MRM2: variants seen among roughly 807,000 people sequenced by gnomAD.
MRM2 encodes mitochondrial rRNA methyltransferase 2.
MRM2 carries 15 observed loss-of-function variants against 10.9 expected under a neutral mutation model. That is an observed-to-expected ratio of 1.37 (90% confidence interval 0.92 to 2.11). MRM2 has a LOEUF of 2.11. MRM2 is among the 30% of genes most tolerant of loss of function. The pLI, the probability that MRM2 is intolerant of heterozygous loss-of-function variation, is 0.00. For missense variants in MRM2, 328 were observed against 321.3 expected (o/e 1.02, Z -0.16); for synonymous variants, 139 against 128.7 (o/e 1.08, Z -0.54).
In MRM2 at chr7:2,234,967, AAAAGAGAGAGAGAG is replaced by A. The variant is rs759541166; in HGVS notation, c.*141_*154del. 1.9e-5 allele frequency: 12 copies of A among 625,128 alleles called. No individual in the cohort carries two copies. Among genetic ancestry groups the A allele is most frequent in the Middle Eastern group, 4.3e-4 (1 of 2,338 alleles). 38.7% of individuals were successfully genotyped at this position (625,128 alleles called of 1,614,324 possible). The stretch of plus-strand genomic sequence containing the variant: ...TAGTTTTGTCATCTCTTTTTGGTTA[AAAAGAGAGAGAGAG>A]AAAGAGAGAGAGAGACTCCCCACTT... On this transcript the variant is annotated 3_prime_UTR_variant, in exon 3 of 3. Coordinates refer to ENST00000242257, the MANE Select transcript of MRM2 (RefSeq NM_013393.3).
intron 2 of MRM2, among the ~76,000 whole-genome samples, chr7:2,236,546 TGTAGTC>T (rs944663729): frequency 5.2e-4 from 79 of 152,272 alleles, no homozygotes; most frequent in African/African-American, 1.8e-3. Flanking sequence ...AAAAATTAGC[TGTAGTC>T]TCAGCTACTC....
chr7:2,239,126 G>C, intron 2 of MRM2: 1 of 773,742 alleles, frequency 1.3e-6, no homozygotes, highest in Non-Finnish European at 2.4e-6. Flanking sequence ...AAATGTGAGG[G>C]ATCTATGCAT....
rs1411386801 is a variant in MRM2 at position 2,242,153 on chromosome 7, C to A, written c.8+9G>T. 5.7e-6 allele frequency: 9 copies of A among 1,584,000 alleles called. No homozygotes were observed. Among genetic ancestry groups the A allele is most frequent in the Non-Finnish European group, 7.7e-6 (9 of 1,169,384 alleles). On this transcript the variant is annotated intron_variant, in intron 1 of 2. Coordinates refer to ENST00000242257, the MANE Select transcript of MRM2 (RefSeq NM_013393.3). ...CTGTCTGCACGCGCAGCAGCAGCGCCCAGCTCACCCCGCCATTGGTGTTCC... is the reference window on the plus strand; with the variant it reads ...CTGTCTGCACGCGCAGCAGCAGCGCACAGCTCACCCCGCCATTGGTGTTCC...
In MRM2 at chr7:2,235,003, A is replaced by G. The variant is rs1051850010; in HGVS notation, c.*119T>C. 21 of 727,538 alleles carry G rather than the reference A, an allele frequency of 2.9e-5. No individual in the cohort carries two copies. Among genetic ancestry groups the G allele is most frequent in the Non-Finnish European group, 4.4e-5 (19 of 428,690 alleles). 45.1% of individuals were successfully genotyped at this position (727,538 alleles called of 1,614,324 possible). A position where few individuals can be genotyped will look rare whatever the true frequency, so the allele number is the denominator to read the frequency against. On this transcript the variant is annotated 3_prime_UTR_variant, in exon 3 of 3. Coordinates refer to ENST00000242257, the MANE Select transcript of MRM2 (RefSeq NM_013393.3). ...AGAGAAAGAGAGAGAGAGACTCCCC[A>G]CTTGTCCTGCTCCATCTCCAAAATC...
chr7:2,240,359 G>A, intron 1 of MRM2: 1 of 446,930 alleles, frequency 2.2e-6, no homozygotes. Context: ...TAGTTCCAGG[G>A]CTTTGACAGC....
intron 2 of MRM2, among the ~76,000 whole-genome samples, chr7:2,237,442 C>G (rs1005752675): frequency 6.6e-6 from 1 of 152,124 alleles, no homozygotes; most frequent in African/African-American, 2.4e-5. Context: ...CACGCTCACG[C>G]TCTCTCCTTC....
chr7:2,241,300 C>T (rs751555587), intron 1 of MRM2: 2 of 152,226 alleles, frequency 1.3e-5, no homozygotes, highest in East Asian at 3.9e-4. Context: ...CCTCACCCGG[C>T]CATTTTTGTT....
At position 2,238,995 on chromosome 7, in the gene MRM2, AT is replaced by A. The variant is rs1171514004; in HGVS notation, c.298+422del. The A allele has an allele frequency of 3.1e-3, 189 of 60,714 alleles. 14 individuals carry two copies. The highest frequency in any genetic ancestry group is 8.8e-3 in the Middle Eastern group (2 of 226). 3.8% of individuals were successfully genotyped at this position (60,714 alleles called of 1,614,324 possible). The stretch of plus-strand genomic sequence containing the variant: ...ATAATAATTATATATATATATATAT[AT>A]ATATATATATATATATATATATATA... On this transcript the variant is annotated intron_variant, in intron 2 of 2. Coordinates refer to ENST00000242257, the MANE Select transcript of MRM2 (RefSeq NM_013393.3).
At chr7:2,240,704 C>T (rs1384941388) in intron 1 of MRM2, among the ~76,000 whole-genome samples, 1 of 150,652 alleles carries the variant, frequency 6.6e-6, no homozygotes. Context: ...AGTTCTATGT[C>T]CTCTTTTTCT....
chr7:2,240,904 C>T (rs1252539422), intron 1 of MRM2, among the ~76,000 whole-genome samples: 1 of 152,212 alleles, frequency 6.6e-6, no homozygotes, highest in African/African-American at 2.4e-5. Flanking sequence ...CCATGTTGGC[C>T]AGGCTGGTCT....
In MRM2 at chr7:2,239,086, A is replaced by G. The variant is rs541369364; in HGVS notation, c.298+332T>C. ...TAGCTCCAATAGGCTGCAAATTAGCAAGAAAAGTATGGCACAACATCGCTT... is the reference window on the plus strand; with the variant it reads ...TAGCTCCAATAGGCTGCAAATTAGCGAGAAAAGTATGGCACAACATCGCTT... On this transcript the variant is annotated intron_variant, in intron 2 of 2. Coordinates refer to ENST00000242257, the MANE Select transcript of MRM2 (RefSeq NM_013393.3). The G allele has an allele frequency of 8.6e-5, 64 of 741,794 alleles. No individual in the cohort carries two copies. The South Asian group carries it at 9.0e-4, about 10-fold the overall frequency. The allele number at this position is 741,794 out of a possible 1,614,324, so 46.0% of individuals were successfully genotyped here.
In MRM2 at chr7:2,234,597, C is replaced by A. The variant is rs1794381609; in HGVS notation, c.*525G>T. On this transcript the variant is annotated 3_prime_UTR_variant, in exon 3 of 3. Coordinates refer to ENST00000242257, the MANE Select transcript of MRM2 (RefSeq NM_013393.3). ...CTTGAACTCCTGACTTCAAGCAATC[C>A]CCCAGCCTCAGCCTTCTAAAGCCCT... The A allele has an allele frequency of 6.4e-6, 1 of 155,668 alleles. No homozygotes were observed. Among genetic ancestry groups the A allele is most frequent in the African/African-American group, 2.4e-5 (1 of 41,402 alleles). 9.6% of individuals were successfully genotyped at this position (155,668 alleles called of 1,614,324 possible). A position where few individuals can be genotyped will look rare whatever the true frequency, so the allele number is the denominator to read the frequency against.
chr7:2,234,547 G>A lies in MRM2; in HGVS notation c.*575C>T, dbSNP rs1794379859. On this transcript the variant is annotated 3_prime_UTR_variant, in exon 3 of 3. Coordinates refer to ENST00000242257, the MANE Select transcript of MRM2 (RefSeq NM_013393.3). ...TTTTTCATTTTTGTAGACATGGGGG[G>A]TGTTGCTATGTTGCCCAGGTTGGTC... is the stretch of plus-strand genomic sequence containing the variant. The A allele has an allele frequency of 6.5e-6, 1 of 152,766 alleles. No homozygotes were observed. The highest frequency in any genetic ancestry group is 2.4e-5 in the African/African-American group (1 of 41,426). The allele number at this position is 152,766 out of a possible 1,614,324, so 9.5% of individuals were successfully genotyped here.
rs567711490 is a variant in MRM2 at position 2,234,813 on chromosome 7, C to T, written c.*309G>A. On this transcript the variant is annotated 3_prime_UTR_variant, in exon 3 of 3. Coordinates refer to ENST00000242257, the MANE Select transcript of MRM2 (RefSeq NM_013393.3). The stretch of plus-strand genomic sequence containing the variant: ...ATGGGCACACCCATCCCTGCCTCGG[C>T]GGATTCCTTCTGATCCTTCCCACAG... 2 of 378,728 alleles carry T rather than the reference C, an allele frequency of 5.3e-6. No homozygotes were observed. The highest frequency in any genetic ancestry group is 5.7e-5 in the East Asian group (1 of 17,520). The allele number at this position is 378,728 out of a possible 1,614,324, so 23.5% of individuals were successfully genotyped here.
chr7:2,236,211 C>A (rs927643325), intron 2 of MRM2, among the ~76,000 whole-genome samples: 1 of 152,116 alleles, frequency 6.6e-6, no homozygotes, highest in Non-Finnish European at 1.5e-5. Context: ...GCCTTGGCGA[C>A]AGAGCGAGAC....
At chr7:2,240,354 C>G (rs923586412) in intron 1 of MRM2, 1 of 449,020 alleles carries the variant, frequency 2.2e-6, no homozygotes, top group Non-Finnish European at 4.5e-6. Context: ...TGACCTAGTT[C>G]CAGGGCTTTG....
Position 2,234,812 on chromosome 7 carries a change from G to A in MRM2, c.*310C>T, listed in dbSNP as rs914902342. 6 of 377,338 alleles carry A rather than the reference G, an allele frequency of 1.6e-5. No individual in the cohort carries two copies. Among genetic ancestry groups the A allele is most frequent in the Admixed American group, 1.3e-4 (3 of 22,346 alleles). 23.4% of individuals were successfully genotyped at this position (377,338 alleles called of 1,614,324 possible). The stretch of plus-strand genomic sequence containing the variant: ...CATGGGCACACCCATCCCTGCCTCG[G>A]CGGATTCCTTCTGATCCTTCCCACA... On this transcript the variant is annotated 3_prime_UTR_variant, in exon 3 of 3. Transcript: ENST00000242257.
intron 1 of MRM2, chr7:2,240,146 C>T (rs893267705): frequency 9.4e-5 from 34 of 363,162 alleles, no homozygotes; most frequent in South Asian, 6.7e-4. Context: ...CGCCTGAACC[C>T]AGGAGGCAGA....
rs1457905859 is a variant in MRM2 at position 2,239,501 on chromosome 7, G to A, written c.215C>T (p.Pro72Leu). The A allele has an allele frequency of 2.5e-6, 4 of 1,613,934 alleles. No homozygotes were observed. Among genetic ancestry groups the A allele is most frequent in the Admixed American group, 3.3e-5 (2 of 60,012 alleles). ...CCCACAGTCTAACACCCGAAGGCCG[G>A]GCCGCAGAATCTGGTGCCTCTCGTT... ...EVNERHQILR[P>L]GLRVLDCGAA... Residue 72 changes from proline (P) to leucine (L), a missense_variant, in exon 2 of 3, where the codon CCC becomes CTC. Pro to Leu is a moderately conservative substitution (Grantham distance 98). Transcript: ENST00000242257.
Sources: gnomAD v4.1 joint callset for allele counts (sites outside exome capture counted in the v4.1 genomes callset) on GRCh38, gnomAD v4.1.1 for gene constraint, MANE v1.5 for transcripts, NCBI Gene and HGNC (gene_info 2026-07-23, HGNC 2026-07-21) for gene names.